ZMYM4: variants seen among roughly 807,000 people sequenced by gnomAD.
ZMYM4 encodes the protein zinc finger MYM-type protein 4.
In ZMYM4, 31 loss-of-function variants were observed where a neutral mutation model predicts 183.2. The observed-to-expected ratio is 0.17, with a 90% CI of 0.13 to 0.23. ZMYM4 has a LOEUF of 0.23. Among genes scored for constraint, ZMYM4 ranks in the 10% least tolerant of loss-of-function variants. ZMYM4 has a pLI of 1.00. For synonymous variants in ZMYM4, 592 were observed against 631.2 expected (o/e 0.94, Z 0.93); for missense variants, 1,273 against 1,840.3 (o/e 0.69, Z 5.64).
At chr1:35,376,965 G>A (rs1222395192) in intron 7 of ZMYM4, among the ~76,000 whole-genome samples, 1 of 151,784 alleles carries the variant, frequency 6.6e-6, no homozygotes, top group Non-Finnish European at 1.5e-5. Flanking sequence ...GAAGTACAGT[G>A]GTGCGATCTG....
At chr1:35,393,533 T>G (rs1644748154) in intron 17 of ZMYM4, 62 bp from the exon 18 acceptor site, 1 of 1,383,648 alleles carries the variant, frequency 7.2e-7, no homozygotes, top group Non-Finnish European at 9.7e-7. Flanking sequence ...ATTATAATAT[T>G]TCTTATAATT....
At chr1:35,306,091 T>G (rs999607075) in intron 1 of ZMYM4, among the ~76,000 whole-genome samples, 1 of 152,192 alleles carries the variant, frequency 6.6e-6, no homozygotes, top group East Asian at 1.9e-4. Flanking sequence ...GTCTTCTTAT[T>G]TGTGTCTTAT....
intron 29 of ZMYM4, 95 bp from the exon 30 acceptor site, chr1:35,419,375 C>A: frequency 7.3e-7 from 1 of 1,364,174 alleles, no homozygotes; most frequent in Non-Finnish European, 1.0e-6. Context: ...CTTTTAATGG[C>A]AAAAACCTCA....
At position 35,284,980 on chromosome 1, in the gene ZMYM4, A is replaced by T. The variant is rs1304795655; in HGVS notation, c.39+15895A>T. On this transcript the variant is annotated intron_variant, in intron 1 of 29. Coordinates refer to ENST00000314607, the MANE Select transcript of ZMYM4 (RefSeq NM_005095.3). The stretch of plus-strand genomic sequence containing the variant: ...GAGGAGGGATACAAACATTCAGACC[A>T]TAACAACGACAAATGCGAGAGTTTA... Among the ~76,000 whole-genome samples the T allele has an allele frequency of 2.0e-5, 3 of 152,234 alleles. No homozygotes were observed. The East Asian group carries it at 5.8e-4, about 29-fold the overall frequency.
In ZMYM4 at chr1:35,298,244, C is replaced by T. The variant is rs190684702; in HGVS notation, c.40-27116C>T. On this transcript the variant is annotated intron_variant, in intron 1 of 29. Coordinates refer to ENST00000314607, the MANE Select transcript of ZMYM4 (RefSeq NM_005095.3). Reference sequence around the variant, plus strand: ...TAGGATGGTGAGTCCCTCATCTCTACGAAAAATAAAAATATTAGCTGGACA... The same window carrying T: ...TAGGATGGTGAGTCCCTCATCTCTATGAAAAATAAAAATATTAGCTGGACA... Among the ~76,000 whole-genome samples, 35 of 152,140 alleles carry T rather than the reference C, an allele frequency of 2.3e-4. No homozygotes were observed. In the East Asian group the frequency reaches 5.0e-3, roughly 22 times the overall value.
At chr1:35,417,069 C>T (rs796771772) in intron 28 of ZMYM4, among the ~76,000 whole-genome samples, 16 of 152,034 alleles carry the variant, frequency 1.1e-4, no homozygotes, top group Non-Finnish European at 5.9e-5. Context: ...AGTCCTATAC[C>T]GGTTGTTAAG....
intron 24 of ZMYM4, 43 bp from the exon 25 acceptor site, chr1:35,405,330 T>C: frequency 6.3e-7 from 1 of 1,582,006 alleles, no homozygotes; most frequent in South Asian, 1.2e-5. Context: ...TTCCGCACTT[T>C]TATTTTATTT....
intron 1 of ZMYM4, among the ~76,000 whole-genome samples, chr1:35,286,895 T>G (rs745857681): frequency 1.4e-5 from 2 of 143,850 alleles, no homozygotes; most frequent in Non-Finnish European, 3.0e-5. Context: ...TCCCAAAGAT[T>G]ATAGGTGTGA....
At chr1:35,328,581 C>G (rs940862646) in intron 2 of ZMYM4, among the ~76,000 whole-genome samples, 1 of 150,910 alleles carries the variant, frequency 6.6e-6, no homozygotes, top group Non-Finnish European at 1.5e-5. Flanking sequence ...CAGGAGTGAG[C>G]CACCACACCC....
intron 23 of ZMYM4, among the ~76,000 whole-genome samples, chr1:35,404,436 T>C (rs1209819034): frequency 1.3e-5 from 2 of 152,220 alleles, no homozygotes; most frequent in Non-Finnish European, 2.9e-5. Flanking sequence ...TATTGAAACA[T>C]TTTAATACTA....
At chr1:35,273,764 C>T (rs1639731390) in intron 1 of ZMYM4, among the ~76,000 whole-genome samples, 1 of 152,106 alleles carries the variant, frequency 6.6e-6, no homozygotes, top group Non-Finnish European at 1.5e-5. Flanking sequence ...TTGTGGAGGA[C>T]ACAGTTTGGG....
chr1:35,416,291 T>C (rs190509469), intron 28 of ZMYM4, among the ~76,000 whole-genome samples: 3 of 152,314 alleles, frequency 2.0e-5, no homozygotes, highest in Admixed American at 6.5e-5. Context: ...TTAATCTTGG[T>C]ATTATAGGAT....
chr1:35,323,800 C>T (rs1642392249), intron 1 of ZMYM4, among the ~76,000 whole-genome samples: 1 of 151,854 alleles, frequency 6.6e-6, no homozygotes, highest in Middle Eastern at 3.4e-3. Flanking sequence ...ATGATCCACC[C>T]GTCTCGGCCT....
At chr1:35,370,800 T>G (rs1275365465) in intron 7 of ZMYM4, 173 bp downstream of exon 7, 1 of 795,954 alleles carries the variant, frequency 1.3e-6, no homozygotes, top group African/African-American at 1.8e-5. Flanking sequence ...CTTTTCAGTC[T>G]TCCAGGTGCT....
At chr1:35,396,904 T>G (rs1489092089) in intron 19 of ZMYM4, 2 of 556,472 alleles carry the variant, frequency 3.6e-6, no homozygotes, top group Non-Finnish European at 5.0e-6. Context: ...ACATGCACAA[T>G]AAGACCACTC....
At chr1:35,378,905 C>A (rs1049406447) in intron 7 of ZMYM4, among the ~76,000 whole-genome samples, 1 of 152,188 alleles carries the variant, frequency 6.6e-6, no homozygotes, top group Non-Finnish European at 1.5e-5. Context: ...TAGCTTCTTT[C>A]GTTAAACCGT....
At chr1:35,285,348 T>C (rs947964426) in intron 1 of ZMYM4, among the ~76,000 whole-genome samples, 1 of 152,202 alleles carries the variant, frequency 6.6e-6, no homozygotes, top group African/African-American at 2.4e-5. Flanking sequence ...CTTTTATTTC[T>C]TTCAGCAATG....
intron 1 of ZMYM4, among the ~76,000 whole-genome samples, chr1:35,277,174 G>A (rs539011431): frequency 2.0e-5 from 3 of 152,146 alleles, no homozygotes; most frequent in South Asian, 4.1e-4. Context: ...CCACATCTCC[G>A]ATAAATTAAT....
chr1:35,294,657 C>A lies in ZMYM4; in HGVS notation c.39+25572C>A, dbSNP rs750445620. On this transcript the variant is annotated intron_variant, in intron 1 of 29. Coordinates refer to ENST00000314607, the MANE Select transcript of ZMYM4 (RefSeq NM_005095.3). ...GGCCATTTTGGGGAAAAAGTTAGAT[C>A]TTTTTCTTATTCCAAATGCCAATAC... Among the ~76,000 whole-genome samples the A allele has an allele frequency of 3.9e-5, 6 of 152,196 alleles. 1 individual carries two copies. Among genetic ancestry groups the A allele is most frequent in the Middle Eastern group, 6.8e-3 (2 of 294 alleles).
Sources: allele counts gnomAD v4.1 joint callset (sites outside exome capture counted in the v4.1 genomes callset), GRCh38; gene constraint gnomAD v4.1.1; transcripts MANE v1.5; gene names NCBI Gene and HGNC (gene_info 2026-07-23, HGNC 2026-07-21).